Variants in FAT4 observed in about 807,000 individuals in gnomAD.
The protein encoded by FAT4 is protocadherin Fat 4.
Under a neutral mutation model 303.9 loss-of-function variants are expected in FAT4, and 84 were observed. That is an observed-to-expected ratio of 0.28 (90% confidence interval 0.23 to 0.33). The LOEUF (loss-of-function observed/expected upper bound fraction) is 0.33. FAT4 is among the 10% of genes least tolerant of loss of function. The pLI is 1.00. For synonymous variants in FAT4, 2,307 were observed against 2,298.8 expected, an observed-to-expected ratio of 1.00 and a Z score of -0.10; for missense variants, 6,005 against 6,146.8, an observed-to-expected ratio of 0.98 and a Z score of 0.77.
At chr4:125,473,782 A>G (rs1347235366) in intron 12 of FAT4, among the ~76,000 whole-genome samples, 3 of 67,744 alleles carry the variant, frequency 4.4e-5, no homozygotes, top group Non-Finnish European at 1.0e-4. Flanking sequence ...GTGAGTGGAG[A>G]AGGATGCAGT....
Position 125,317,630 on chromosome 4 carries a change from T to C in FAT4, c.1219T>C (p.Phe407Leu). Reference sequence around the variant, plus strand: ...TCTCGGGGGCAATGAGCAGCGCCACTTTGAAGTGCAAAGCAGCAAAGTGCC... The same window carrying C: ...TCTCGGGGGCAATGAGCAGCGCCACCTTGAAGTGCAAAGCAGCAAAGTGCC... ...QILGGNEQRH[F>L]EVQSSKVPNL... is the part of the protein sequence containing the mutation. The change falls in exon 2 of 18, where the codon TTT (phenylalanine) becomes CTT (leucine). Residue 407 changes from phenylalanine to leucine, a missense_variant. Phe to Leu is a conservative substitution (Grantham distance 22). Coordinates refer to ENST00000394329, the MANE Select transcript of FAT4 (RefSeq NM_001291303.3). This position sits in a 1 kb window ranked among gnomAD's most constrained non-coding sequence, Gnocchi z 7.0. The C allele has an allele frequency of 6.2e-7, 1 of 1,613,962 alleles. No homozygotes were observed. Among genetic ancestry groups the C allele is most frequent in the Non-Finnish European group, 8.5e-7 (1 of 1,179,982 alleles).
At chr4:125,344,590 T>A (rs1731926539) in intron 2 of FAT4, among the ~76,000 whole-genome samples, 2 of 152,184 alleles carry the variant, frequency 1.3e-5, no homozygotes, top group African/African-American at 4.8e-5. Flanking sequence ...CGAGATATTT[T>A]CATAACCAAA....
chr4:125,318,858 C>T lies in FAT4; in HGVS notation c.2447C>T (p.Ser816Phe). ...VALGYHVGSVSASTMDLNSNI... is the reference protein window; with the variant it reads ...VALGYHVGSVFASTMDLNSNI... ...CTGGGATATCATGTGGGTAGTGTGT[C>T]TGCATCCACCATGGATCTCAATTCC... Residue 816 changes from serine to phenylalanine, a missense_variant, in exon 2 of 18, where the codon TCT (serine) becomes TTT (phenylalanine). By Grantham distance (155) the Ser-to-Phe change is radical. Transcript: ENST00000394329. 6.2e-7 allele frequency: 1 copy of T among 1,614,172 alleles called. No homozygotes were observed. The highest frequency in any genetic ancestry group is 8.5e-7 in the Non-Finnish European group (1 of 1,180,038).
At chr4:125,443,481 A>G (rs1022321703) in intron 8 of FAT4, among the ~76,000 whole-genome samples, 1 of 152,000 alleles carries the variant, frequency 6.6e-6, no homozygotes, top group Non-Finnish European at 1.5e-5. Flanking sequence ...ATAAAGACAG[A>G]AATTCAAACT....
At chr4:125,434,691 C>T (rs977848461) in intron 8 of FAT4, among the ~76,000 whole-genome samples, 1 of 152,026 alleles carries the variant, frequency 6.6e-6, no homozygotes, top group Non-Finnish European at 1.5e-5. Context: ...ACACTGGGTG[C>T]TTCTGTCTCA....
Position 125,315,235 on chromosome 4 carries a change from G to C in FAT4, c.-755G>C, listed in dbSNP as rs1252049959. ...GGGAGAGCGCTGACAGGCGCCGTCCGGAGCTGCGGAGGGCGTCACTACAGC... is the reference window on the plus strand; with the variant it reads ...GGGAGAGCGCTGACAGGCGCCGTCCCGAGCTGCGGAGGGCGTCACTACAGC... On this transcript the variant is annotated 5_prime_UTR_variant, in exon 1 of 18. Transcript: ENST00000394329. 6.6e-6 allele frequency among the ~76,000 whole-genome samples: 1 copy of C among 152,110 alleles called. No individual in the cohort carries two copies. The highest frequency in any genetic ancestry group is 6.5e-5 in the Admixed American group (1 of 15,284).
In FAT4 at chr4:125,398,859, G is replaced by C; in HGVS notation, c.5251G>C (p.Glu1751Gln). The change falls in exon 3 of 18, where the codon GAG (glutamate) becomes CAG (glutamine). Residue 1751 changes from glutamate (E) to glutamine (Q), a missense_variant. Glu to Gln is a conservative substitution (Grantham distance 29). Transcript: ENST00000394329. Reference protein sequence around the residue: ...PTDMLDLTVEENIGDGSKIMQ... With the variant: ...PTDMLDLTVEQNIGDGSKIMQ... ...GGACATGCTGGATCTCACGGTAGAGGAGAACATTGGAGATGGCTCTAAGAT... is the reference window on the plus strand; with the variant it reads ...GGACATGCTGGATCTCACGGTAGAGCAGAACATTGGAGATGGCTCTAAGAT... 1 of 1,613,262 alleles carries C rather than the reference G, an allele frequency of 6.2e-7. No individual in the cohort carries two copies. Among genetic ancestry groups the C allele is most frequent in the Non-Finnish European group, 8.5e-7 (1 of 1,179,366 alleles).
chr4:125,414,013 A>G (rs11944077), intron 5 of FAT4, among the ~76,000 whole-genome samples: 23,000 of 151,992 alleles, frequency 0.15, 1,904 homozygotes, highest in South Asian at 0.27. Flanking sequence ...TGTCATTAGG[A>G]TAAGATATAA....
chr4:125,358,565 C>G (rs559329306), intron 2 of FAT4, among the ~76,000 whole-genome samples: 2 of 152,072 alleles, frequency 1.3e-5, no homozygotes, highest in Non-Finnish European at 2.9e-5. Flanking sequence ...GGTTTGTGCT[C>G]CTATGAGAAT....
At chr4:125,330,378 A>G (rs1011489493) in intron 2 of FAT4, among the ~76,000 whole-genome samples, 1 of 152,096 alleles carries the variant, frequency 6.6e-6, no homozygotes, top group Non-Finnish European at 1.5e-5. Context: ...ATTTCTACTT[A>G]TCTCCTCACA....
intron 5 of FAT4, among the ~76,000 whole-genome samples, chr4:125,413,192 T>G (rs1432714772): frequency 1.3e-5 from 2 of 151,850 alleles, no homozygotes; most frequent in Non-Finnish European, 3.0e-5. Context: ...AGTGGAAATT[T>G]TTATCCTCTA....
chr4:125,372,297 G>T (rs1431714903), intron 2 of FAT4, among the ~76,000 whole-genome samples: 1 of 150,366 alleles, frequency 6.7e-6, no homozygotes, highest in Non-Finnish European at 1.5e-5. Context: ...AGAAGATTCA[G>T]AATGCAATGA....
Position 125,463,656 on chromosome 4 carries a change from A to G in FAT4, c.11894A>G (p.His3965Arg). 6.4e-7 allele frequency: 1 copy of G among 1,572,696 alleles called. No individual in the cohort carries two copies. The highest frequency in any genetic ancestry group is 1.3e-5 in the African/African-American group (1 of 74,426). The change falls in exon 11 of 18, where the codon CAT becomes CGT. Residue 3965 changes from histidine to arginine, a missense_variant. Transcript: ENST00000394329. ...AGTGGTGTGGATTCTTATTATTGTC[A>G]TTGTCCATTTGGTGAGTAAAACTTA... ...CQSGVDSYYC[H>R]CPFGVFGKHC...
chr4:125,343,547 A>G (rs1731881431), intron 2 of FAT4, among the ~76,000 whole-genome samples: 1 of 152,180 alleles, frequency 6.6e-6, no homozygotes, highest in African/African-American at 2.4e-5. Context: ...TTTTAATAGC[A>G]CTTAATAATT....
At chr4:125,349,172 T>A (rs1732124632) in intron 2 of FAT4, among the ~76,000 whole-genome samples, 1 of 151,802 alleles carries the variant, frequency 6.6e-6, no homozygotes, top group Non-Finnish European at 1.5e-5. Flanking sequence ...GTTTATTAAA[T>A]GATGTAAATT....
At chr4:125,468,461 A>G (rs1380828850) in intron 11 of FAT4, 51 bp from the exon 12 acceptor site, 1 of 1,278,834 alleles carries the variant, frequency 7.8e-7, no homozygotes, top group African/African-American at 1.5e-5. Flanking sequence ...AAAATATATA[A>G]TAAAATTTTC....
rs1560640151 is a variant in FAT4 at position 125,490,779 on chromosome 4, A to T, written c.13963A>T (p.Arg4655Trp). ...CCACACACCAAAATTTTCAATCCAG[A>T]GGCACAGTCCCCTAGGCTTTGCAAG... Reference protein sequence around the residue: ...RSHTPKFSIQRHSPLGFARQS... With the variant: ...RSHTPKFSIQWHSPLGFARQS... Residue 4655 changes from arginine (R) to tryptophan (W), a missense_variant, in exon 18 of 18, where the codon AGG becomes TGG. Arg to Trp is a moderately radical substitution (Grantham distance 101). Coordinates refer to ENST00000394329, the MANE Select transcript of FAT4 (RefSeq NM_001291303.3). 1 of 1,614,062 alleles carries T rather than the reference A, an allele frequency of 6.2e-7. No individual in the cohort carries two copies. Among genetic ancestry groups the T allele is most frequent in the Non-Finnish European group, 8.5e-7 (1 of 1,180,028 alleles).
chr4:125,415,789 C>G lies in FAT4; in HGVS notation c.6826C>G (p.Pro2276Ala). Residue 2276 changes from proline to alanine, a missense_variant, in exon 6 of 18, where the codon CCC becomes GCC. Physicochemically the swap from Pro to Ala is conservative, Grantham distance 27. Coordinates refer to ENST00000394329, the MANE Select transcript of FAT4 (RefSeq NM_001291303.3). ...VNVPENLGTLPRTILQVVARD... is the reference protein window; with the variant it reads ...VNVPENLGTLARTILQVVARD... ...TGTCCCTGAGAATTTAGGGACACTA[C>G]CCAGAACAATTCTTCAGGTCAGTAT... 1 of 1,610,434 alleles carries G rather than the reference C, an allele frequency of 6.2e-7. No individual in the cohort carries two copies. Among genetic ancestry groups the G allele is most frequent in the Non-Finnish European group, 8.5e-7 (1 of 1,177,414 alleles).
chr4:125,415,645 A>T lies in FAT4; in HGVS notation c.6682A>T (p.Thr2228Ser), dbSNP rs1735023942. ...DREKTPTYHL[T>S]VQATDRGSTP... is the part of the protein sequence containing the mutation. ...AGAAAAGACCCCTACCTACCATTTA[A>T]CTGTTCAGGCAACAGATCGAGGCAG... Residue 2228 changes from threonine (T) to serine (S), a missense_variant, in exon 6 of 18, where the codon ACT (threonine) becomes TCT (serine). By Grantham distance (58) the Thr-to-Ser change is moderately conservative. Transcript: ENST00000394329. The T allele has an allele frequency of 6.2e-7, 1 of 1,613,910 alleles. No individual in the cohort carries two copies. Among genetic ancestry groups the T allele is most frequent in the African/African-American group, 1.3e-5 (1 of 74,898 alleles).
Sources: gnomAD v4.1 joint callset for allele counts (sites outside exome capture counted in the v4.1 genomes callset) on GRCh38, gnomAD v4.1.1 for gene constraint, Gnocchi (gnomAD v3.1) non-coding constraint, MANE v1.5 for transcripts, NCBI Gene and HGNC (gene_info 2026-07-23, HGNC 2026-07-21) for gene names.